CCL14: variants seen among roughly 807,000 people sequenced by gnomAD.
CCL14 encodes C-C motif chemokine ligand 14.
Under a neutral mutation model 8.2 loss-of-function variants are expected in CCL14, and 8 were observed. That is an observed-to-expected ratio of 0.98 (90% CI 0.57 to 1.76). The LOEUF (loss-of-function observed/expected upper bound fraction) is 1.76. Ranked by LOEUF, CCL14 falls within the 40% of genes most tolerant of loss-of-function variation. The pLI, the probability that CCL14 is intolerant of heterozygous loss-of-function variation, is 0.00. For synonymous variants in CCL14, 50 were observed against 43.2 expected (o/e 1.16, Z -0.62); for missense variants, 127 against 118.3 (o/e 1.07, Z -0.34).
At chr17:35,985,491 T>TC in intron 1 of CCL14, 1 of 535,886 alleles carries the variant, frequency 1.9e-6, no homozygotes, top group Non-Finnish European at 3.3e-6. Context: ...GGTGTGTGCA[T>TC]GTTATGTGAC....
chr17:35,983,746 T>G lies in CCL14; in HGVS notation c.*55A>C. The G allele has an allele frequency of 1.6e-6, 2 of 1,263,428 alleles. No individual in the cohort carries two copies. Among genetic ancestry groups the G allele is most frequent in the South Asian group, 1.2e-5 (1 of 83,868 alleles). 78.3% of individuals were successfully genotyped at this position (1,263,428 alleles called of 1,614,324 possible). ...TAGCGGTGGGTGGAGGAGGGGGCCT[T>G]GGCATCTTCTCTTTATGTCTCTGAG... On this transcript the variant is annotated 3_prime_UTR_variant, in exon 3 of 3. Transcript: ENST00000618404.
At chr17:35,984,305 C>G (rs758615336) in intron 2 of CCL14, 33 bp downstream of exon 2, 1 of 1,502,978 alleles carries the variant, frequency 6.7e-7, no homozygotes, top group South Asian at 1.1e-5. Context: ...CTGGCTCCCT[C>G]TCCCCCCAGT....
chr17:35,984,305 CT>C, intron 2 of CCL14, 32 bp downstream of exon 2: 1 of 1,502,978 alleles, frequency 6.7e-7, no homozygotes, highest in South Asian at 1.1e-5. Context: ...CTGGCTCCCT[CT>C]CCCCCCAGTG....
rs764281468 is a variant in CCL14, at chr17:35,984,418, G to C, written c.114C>G (p.Thr38=). ...GACGCGGGATCTTGTAGGTAGTGTA[G>C]GTGAAGCAGCACTCTGAGGGGTGGT... ...GPYHPSECCF[T]YTTYKIPRQR... Residue 38 remains threonine (T), a synonymous_variant, in exon 2 of 3, where the codon ACC becomes ACG. Coordinates refer to ENST00000618404, the MANE Select transcript of CCL14 (RefSeq NM_032963.4). 3 of 1,613,554 alleles carry C rather than the reference G, an allele frequency of 1.9e-6. No individual in the cohort carries two copies. The Admixed American group carries it at 5.0e-5, about 27-fold the overall frequency.
In CCL14 at chr17:35,984,387, T is replaced by C; in HGVS notation, c.145A>G (p.Ile49Val). ...YTTYKIPRQR[I>V]MDYYETNSQC... ...CTGTTGGTCTCATAGTAATCCATAA[T>C]CCGCTGACGCGGGATCTTGTAGGTA... Residue 49 changes from isoleucine (I) to valine (V), a missense_variant, in exon 2 of 3, where the codon ATT becomes GTT. Physicochemically the swap from Ile to Val is conservative, Grantham distance 29. Transcript: ENST00000618404. 6.2e-7 allele frequency: 1 copy of C among 1,613,912 alleles called. No homozygotes were observed. The highest frequency in any genetic ancestry group is 8.5e-7 in the Non-Finnish European group (1 of 1,180,008).
rs1452801264 is a variant in CCL14, at chr17:35,983,633, C to T, written c.*168G>A. On this transcript the variant is annotated 3_prime_UTR_variant, in exon 3 of 3. Coordinates refer to ENST00000618404, the MANE Select transcript of CCL14 (RefSeq NM_032963.4). ...TCAGTGCATGGCCAATGAGTAAATC[C>T]CGTAGAAAGGAATGAGGCCAGGGAA... The T allele has an allele frequency of 3.3e-6, 2 of 608,802 alleles. No homozygotes were observed. 37.7% of individuals were successfully genotyped at this position (608,802 alleles called of 1,614,324 possible). A position where few individuals can be genotyped will look rare whatever the true frequency, so the allele number is the denominator to read the frequency against.
In CCL14 at chr17:35,983,437, G is replaced by A. The variant is rs756600574; in HGVS notation, c.*364C>T. 187 of 230,774 alleles carry A rather than the reference G, an allele frequency of 8.1e-4. No individual in the cohort carries two copies. The highest frequency in any genetic ancestry group is 1.1e-3 in the Non-Finnish European group (127 of 118,272). 14.3% of individuals were successfully genotyped at this position (230,774 alleles called of 1,614,324 possible). A position where few individuals can be genotyped will look rare whatever the true frequency, so the allele number is the denominator to read the frequency against. ...GGAGTATAGAAAGCATTAAGAAAAC[G>A]GGGTCTGCTACTGTTGTTGCTGAGG... is the stretch of plus-strand genomic sequence containing the variant. On this transcript the variant is annotated 3_prime_UTR_variant, in exon 3 of 3. Coordinates refer to ENST00000618404, the MANE Select transcript of CCL14 (RefSeq NM_032963.4).
At chr17:35,984,191 C>G in intron 2 of CCL14, 147 bp downstream of exon 2, 1 of 657,654 alleles carries the variant, frequency 1.5e-6, no homozygotes, top group Non-Finnish European at 2.7e-6. Context: ...CCAGAAAGCG[C>G]TCAGATTGCC....
Position 35,983,655 on chromosome 17 carries a change from G to A in CCL14, c.*146C>T, listed in dbSNP as rs185353235. Reference sequence around the variant, plus strand: ...ATCCCGTAGAAAGGAATGAGGCCAGGGAAGAGCATGAGTGGTCTTTAATTC... The same window carrying A: ...ATCCCGTAGAAAGGAATGAGGCCAGAGAAGAGCATGAGTGGTCTTTAATTC... On this transcript the variant is annotated 3_prime_UTR_variant, in exon 3 of 3. Coordinates refer to ENST00000618404, the MANE Select transcript of CCL14 (RefSeq NM_032963.4). 13 of 658,500 alleles carry A rather than the reference G, an allele frequency of 2.0e-5. No individual in the cohort carries two copies. In the East Asian group the frequency reaches 3.2e-4, roughly 16 times the overall value. The allele number at this position is 658,500 out of a possible 1,614,324, so 40.8% of individuals were successfully genotyped here.
In CCL14 at chr17:35,986,614, G is replaced by T. The variant is rs2089776808; in HGVS notation, c.36C>A (p.Leu12=). The change falls in exon 1 of 3, where the codon CTC becomes CTA. Residue 12 remains leucine, a synonymous_variant. Transcript: ENST00000618404. ...TGGTCCCTAGGGCGATGGTGATGAGGAGGAAGAAGGGAATGGCAGCCACGG... is the reference window on the plus strand; with the variant it reads ...TGGTCCCTAGGGCGATGGTGATGAGTAGGAAGAAGGGAATGGCAGCCACGG... ...KISVAAIPFF[L]LITIALGTKT... 1 of 1,614,064 alleles carries T rather than the reference G, an allele frequency of 6.2e-7. No individual in the cohort carries two copies. Among genetic ancestry groups the T allele is most frequent in the African/African-American group, 1.3e-5 (1 of 75,052 alleles).
intron 1 of CCL14, chr17:35,985,802 A>G: frequency 6.5e-7 from 1 of 1,549,718 alleles, no homozygotes; most frequent in Non-Finnish European, 8.7e-7. Flanking sequence ...GTTTCTGAAA[A>G]GGAGAGTAGG....
Position 35,983,825 on chromosome 17 carries a change from A to G in CCL14, c.258T>C (p.Tyr86=). ...CTCAGTTCTCCTTCATGTCCTTGAT[A>G]TAGTCCTGGACCCACTTGTCACTGG... ...TNPSDKWVQD[Y]IKDMKEN Residue 86 remains tyrosine (Y), a synonymous_variant, in exon 3 of 3, where the codon TAT becomes TAC. Transcript: ENST00000618404. 6.2e-7 allele frequency: 1 copy of G among 1,613,776 alleles called. No homozygotes were observed. The highest frequency in any genetic ancestry group is 1.7e-4 in the Middle Eastern group (1 of 6,052).
chr17:35,986,068 A>C, intron 1 of CCL14: 8 of 477,730 alleles, frequency 1.7e-5, no homozygotes, highest in Non-Finnish European at 2.2e-5. Context: ...ATATACCCCA[A>C]ATGGGGTGGG....
At position 35,983,868 on chromosome 17, in the gene CCL14, T is replaced by C. The variant is rs538168002; in HGVS notation, c.215A>G (p.His72Arg). The stretch of plus-strand genomic sequence containing the variant: ...GTCACTGGGGTTGGTACAGACGGAA[T>C]GGCCCCTTTTGGTGATGAAGCTGTG... ...PGIVFITKRG[H>R]SVCTNPSDKW... is the part of the protein sequence containing the mutation. Residue 72 changes from histidine to arginine, a missense_variant, in exon 3 of 3, where the codon CAT becomes CGT. Physicochemically the swap from His to Arg is conservative, Grantham distance 29. Transcript: ENST00000618404. 6.2e-7 allele frequency: 1 copy of C among 1,613,962 alleles called. No homozygotes were observed. Among genetic ancestry groups the C allele is most frequent in the East Asian group, 2.2e-5 (1 of 44,880 alleles).
intron 1 of CCL14, chr17:35,984,705 T>C (rs1198315996): frequency 5.3e-6 from 3 of 566,658 alleles, no homozygotes; most frequent in Non-Finnish European, 9.4e-6. Flanking sequence ...GACTGGTGGA[T>C]GACTTTCAAC....
chr17:35,985,623 G>C (rs1011826071), intron 1 of CCL14: 6 of 762,968 alleles, frequency 7.9e-6, no homozygotes, highest in Admixed American at 4.9e-5. Context: ...GCATCCTCAC[G>C]ATCCAAAGAA....
At chr17:35,985,421 T>G in intron 1 of CCL14, 1 of 321,452 alleles carries the variant, frequency 3.1e-6, no homozygotes, top group Non-Finnish European at 5.6e-6. Context: ...AGGAAGGACA[T>G]TGTAGGCCAA....
In CCL14 at chr17:35,983,712, G is replaced by T; in HGVS notation, c.*89C>A. ...GGGAAGCTCCAAGAGGGTGACTGGG[G>T]CTGAGAGTTAGCGGTGGGTGGAGGA... is the stretch of plus-strand genomic sequence containing the variant. On this transcript the variant is annotated 3_prime_UTR_variant, in exon 3 of 3. Transcript: ENST00000618404. 1 of 890,094 alleles carries T rather than the reference G, an allele frequency of 1.1e-6. No individual in the cohort carries two copies. The highest frequency in any genetic ancestry group is 2.8e-4 in the Middle Eastern group (1 of 3,614). 55.1% of individuals were successfully genotyped at this position (890,094 alleles called of 1,614,324 possible).
Position 35,983,813 on chromosome 17 carries a change from C to A in CCL14, c.270G>T (p.Met90Ile). The A allele has an allele frequency of 6.2e-7, 1 of 1,613,270 alleles. No individual in the cohort carries two copies. The highest frequency in any genetic ancestry group is 8.5e-7 in the Non-Finnish European group (1 of 1,179,226). ...DKWVQDYIKD[M>I]KEN ...CCTTCTGGGTCACTCAGTTCTCCTT[C>A]ATGTCCTTGATATAGTCCTGGACCC... The change falls in exon 3 of 3, where the codon ATG becomes ATT. Residue 90 changes from methionine to isoleucine, a missense_variant. Met to Ile is a conservative substitution (Grantham distance 10). Transcript: ENST00000618404.
Sources: gnomAD v4.1 joint callset for allele counts on GRCh38, gnomAD v4.1.1 for gene constraint, MANE v1.5 for transcripts, NCBI Gene and HGNC (gene_info 2026-07-23, HGNC 2026-07-21) for gene names.